The following ZNF536 variants were observed in gnomAD, a reference collection of about 807,000 sequenced individuals.
ZNF536 encodes the protein zinc finger protein 536.
Under a neutral mutation model 84.5 loss-of-function variants are expected in ZNF536, and 13 were observed. The observed-to-expected ratio is 0.15, with a 90% CI of 0.10 to 0.24. ZNF536 has a LOEUF of 0.24. ZNF536 is among the 10% of genes least tolerant of loss of function. The pLI is 1.00. For missense variants in ZNF536, 1,536 were observed against 1,747.5 expected (o/e 0.88, Z 2.16); for synonymous variants, 811 against 742.5 (o/e 1.09, Z -1.50).
intron 1 of ZNF536, among the ~76,000 whole-genome samples, chr19:30,271,497 T>C (rs780541875): frequency 1.3e-5 from 2 of 152,076 alleles, no homozygotes; most frequent in Non-Finnish European, 2.9e-5. Context: ...AAGGCTGATA[T>C]GGATTTAGGG....
At chr19:30,368,962 C>A (rs987135947), upstream of ZNF536, among the ~76,000 whole-genome samples, 8 of 152,190 alleles carry the variant, frequency 5.3e-5, no homozygotes, top group Non-Finnish European at 1.0e-4. Flanking sequence ...GTCTGTAGCC[C>A]ACCTATAATT....
chr19:30,286,775 AT>A lies in ZNF536; in HGVS notation c.-120+2637del, dbSNP rs1367554697. On this transcript the variant is annotated intron_variant, in intron 2 of 5. Coordinates refer to the ZNF536 transcript ENST00000585628. ...CGTGTGCACCCACATACATGTATAT[AT>A]TTAAATCAAGGATATAGATAATGAG... 6.6e-5 allele frequency among the ~76,000 whole-genome samples: 10 copies of A among 152,362 alleles called. No homozygotes were observed. In the East Asian group the frequency reaches 1.5e-3, roughly 23 times the overall value.
chr19:30,690,570 A>C (rs1019937838), intron 1 of ZNF536, among the ~76,000 whole-genome samples: 2 of 152,152 alleles, frequency 1.3e-5, no homozygotes, highest in Non-Finnish European at 2.9e-5. Flanking sequence ...CACTGGATTC[A>C]CTGGCACTAA....
At chr19:30,623,221 C>T (rs1568612437) in intron 1 of ZNF536, among the ~76,000 whole-genome samples, 1 of 152,116 alleles carries the variant, frequency 6.6e-6, no homozygotes, top group Non-Finnish European at 1.5e-5. Context: ...ATCTCCTTAT[C>T]CACCCTGCCA....
chr19:30,596,265 G>A (rs2047460131), intron 1 of ZNF536, among the ~76,000 whole-genome samples: 1 of 150,668 alleles, frequency 6.6e-6, no homozygotes, highest in Non-Finnish European at 1.5e-5. Context: ...AGAGGGAGAG[G>A]GGAAAAAAAA....
chr19:30,606,812 C>T (rs1487504902), intron 1 of ZNF536, among the ~76,000 whole-genome samples: 2 of 152,130 alleles, frequency 1.3e-5, no homozygotes, highest in Non-Finnish European at 2.9e-5. Flanking sequence ...AGCTCAGCTT[C>T]CTCCTGTACG....
At chr19:30,579,129 T>C (rs1381480338) in intron 1 of ZNF536, among the ~76,000 whole-genome samples, 2 of 152,240 alleles carry the variant, frequency 1.3e-5, no homozygotes, top group South Asian at 2.1e-4. Flanking sequence ...CTTTTACTTA[T>C]AGCTAGAAAA....
intron 1 of ZNF536, among the ~76,000 whole-genome samples, chr19:30,616,473 A>G (rs1600031686): frequency 1.3e-5 from 2 of 152,332 alleles, no homozygotes; most frequent in Middle Eastern, 3.4e-3. Flanking sequence ...AGATTGCCTT[A>G]TATTAAAACC....
chr19:30,596,979 A>T (rs1056333342), intron 1 of ZNF536, among the ~76,000 whole-genome samples: 1 of 152,224 alleles, frequency 6.6e-6, no homozygotes, highest in Middle Eastern at 3.4e-3. Flanking sequence ...TTCTTTTGCA[A>T]TGCTAATAGC....
intron 1 of ZNF536, among the ~76,000 whole-genome samples, chr19:30,631,768 G>A (rs748376579): frequency 4.6e-5 from 7 of 152,192 alleles, no homozygotes; most frequent in Non-Finnish European, 1.0e-4. Context: ...GCATCTTGGA[G>A]GGCAACGTGG....
chr19:30,450,965 C>G (rs2052575730), intron 2 of ZNF536, among the ~76,000 whole-genome samples: 1 of 152,246 alleles, frequency 6.6e-6, no homozygotes, highest in Admixed American at 6.5e-5. Flanking sequence ...ATATGCAGCC[C>G]TTCGGTCTCT....
At chr19:30,286,551 A>G (rs1038862447) in intron 2 of ZNF536, among the ~76,000 whole-genome samples, 1 of 151,140 alleles carries the variant, frequency 6.6e-6, no homozygotes, top group Non-Finnish European at 1.5e-5. Context: ...AGAGAGAAAG[A>G]GAGAGACCGA....
At chr19:30,272,572 C>T (rs1333489738) in intron 1 of ZNF536, among the ~76,000 whole-genome samples, 1 of 152,214 alleles carries the variant, frequency 6.6e-6, no homozygotes, top group Non-Finnish European at 1.5e-5. Context: ...CTGAGCTCCA[C>T]TCCCTCTTCC....
intron 2 of ZNF536, among the ~76,000 whole-genome samples, chr19:30,309,327 C>T (rs1291566390): frequency 3.3e-5 from 5 of 152,124 alleles, no homozygotes; most frequent in Admixed American, 1.3e-4. Flanking sequence ...ACTGGTATCC[C>T]GGGGGCCAGT....
rs550401328 is a variant in ZNF536 at position 30,427,877 on chromosome 19, G to T, written c.-2-15684G>T. ...CATGAGACGATGGAGGAAGTTTAGG[G>T]TTCTCACAAAGTCCAGGTTCAATCT... is the stretch of plus-strand genomic sequence containing the variant. On this transcript the variant is annotated intron_variant, in intron 1 of 4. Coordinates refer to ENST00000355537, the MANE Select transcript of ZNF536 (RefSeq NM_014717.3). 3.9e-5 allele frequency among the ~76,000 whole-genome samples: 6 copies of T among 152,262 alleles called. No individual in the cohort carries two copies. In the East Asian group the frequency reaches 1.2e-3, roughly 29 times the overall value.
chr19:30,494,348 T>C (rs919198954), intron 2 of ZNF536, among the ~76,000 whole-genome samples: 3 of 152,228 alleles, frequency 2.0e-5, no homozygotes, highest in Non-Finnish European at 4.4e-5. Flanking sequence ...AGCACTGGGC[T>C]CCTTGCAAAG....
At chr19:30,234,521 C>T (rs1156272029) in intron 1 of ZNF536, among the ~76,000 whole-genome samples, 2 of 151,120 alleles carry the variant, frequency 1.3e-5, no homozygotes. Flanking sequence ...CCCGCCTCAG[C>T]CTCTCAAGTT....
intron 2 of ZNF536, among the ~76,000 whole-genome samples, chr19:30,319,989 C>G (rs544584909): frequency 6.6e-6 from 1 of 152,046 alleles, no homozygotes; most frequent in Admixed American, 6.5e-5. Context: ...TTCAGTAAAC[C>G]TTGCATGACT....
intron 1 of ZNF536, among the ~76,000 whole-genome samples, chr19:30,664,244 CTCTCTCTCTCTCTCTCT>C (rs2147625338): frequency 3.3e-5 from 5 of 150,346 alleles, no homozygotes; most frequent in Admixed American, 2.7e-4. Context: ...CTCTCTCTCT[CTCTCTCTCTCTCTCTCT>C]CCCTCTCCCT....
Sources: allele counts gnomAD v4.1 joint callset (sites outside exome capture counted in the v4.1 genomes callset), GRCh38; gene constraint gnomAD v4.1.1; transcripts MANE v1.5; gene names NCBI Gene and HGNC (gene_info 2026-07-23, HGNC 2026-07-21).